The following TAFA1 variants were observed in gnomAD, a reference collection of about 807,000 sequenced individuals.
TAFA1 encodes the protein chemokine-like protein TAFA-1.
TAFA1 carries 4 observed loss-of-function variants against 18.5 expected under a neutral mutation model. The ratio of observed to expected loss-of-function variants is 0.22; its 90% CI spans 0.11 to 0.49. The LOEUF (loss-of-function observed/expected upper bound fraction) is 0.49, where lower values mean the gene tolerates loss of function less well. Among genes scored for constraint, TAFA1 ranks in the 20% least tolerant of loss-of-function variants. The pLI is 0.98. For missense variants in TAFA1, 147 were observed against 169.0 expected, an observed-to-expected ratio of 0.87 and a Z score of 0.72; for synonymous variants, 56 against 55.2, an observed-to-expected ratio of 1.01 and a Z score of -0.06.
intron 2 of TAFA1, among the ~76,000 whole-genome samples, chr3:68,238,484 C>T (rs562766270): frequency 2.6e-5 from 4 of 152,212 alleles, no homozygotes; most frequent in African/African-American, 4.8e-5. Context: ...TGTGCAAAAA[C>T]GAAACTTTAA....
intron 3 of TAFA1, among the ~76,000 whole-genome samples, chr3:68,505,937 A>G (rs1004079736): frequency 6.6e-6 from 1 of 151,184 alleles, no homozygotes; most frequent in Non-Finnish European, 1.5e-5. Context: ...TGTACAGGAC[A>G]TGCAGGTTTG....
At chr3:68,541,702 C>T (rs955023821) in intron 4 of TAFA1, among the ~76,000 whole-genome samples, 2 of 152,072 alleles carry the variant, frequency 1.3e-5, no homozygotes, top group Non-Finnish European at 1.5e-5. Flanking sequence ...TTGTTAATAG[C>T]AACTGAGAGT....
chr3:68,023,570 G>A (rs543854078), intron 2 of TAFA1, among the ~76,000 whole-genome samples: 1 of 152,198 alleles, frequency 6.6e-6, no homozygotes, highest in African/African-American at 2.4e-5. Flanking sequence ...ATACCTTAGT[G>A]GTTAGAAAAT....
At position 68,015,116 on chromosome 3, in the gene TAFA1, G is replaced by A. The variant is rs547503420; in HGVS notation, c.118+8372G>A. Among the ~76,000 whole-genome samples, 10 of 152,236 alleles carry A rather than the reference G, an allele frequency of 6.6e-5. No individual in the cohort carries two copies. The South Asian group carries it at 1.2e-3, about 19-fold the overall frequency. ...GACCTACTTTAAAAATATGCCCATG[G>A]TGTAGTCCTGTACTGAGTTATACCC... On this transcript the variant is annotated intron_variant, in intron 2 of 4. Coordinates refer to ENST00000478136, the MANE Select transcript of TAFA1 (RefSeq NM_213609.4).
intron 2 of TAFA1, among the ~76,000 whole-genome samples, chr3:68,319,349 C>T (rs1184947398): frequency 3.9e-5 from 6 of 152,162 alleles, no homozygotes; most frequent in Admixed American, 1.3e-4. Flanking sequence ...CTTCATCATT[C>T]CCCCACCCCA....
chr3:68,195,144 G>A (rs143005250), intron 2 of TAFA1, among the ~76,000 whole-genome samples: 1,607 of 151,418 alleles, frequency 0.011, 109 homozygotes, highest in Admixed American at 0.093. Flanking sequence ...ATTTGGAAAT[G>A]TTCTTTCAAG....
chr3:68,238,447 C>G (rs1199890982), intron 2 of TAFA1, among the ~76,000 whole-genome samples: 1 of 152,164 alleles, frequency 6.6e-6, no homozygotes, highest in African/African-American at 2.4e-5. Flanking sequence ...CTGGAAGAAG[C>G]AGTTTACAGG....
At chr3:68,534,750 C>T (rs2073247364) in intron 3 of TAFA1, among the ~76,000 whole-genome samples, 1 of 152,026 alleles carries the variant, frequency 6.6e-6, no homozygotes, top group Admixed American at 6.6e-5. Context: ...CTAATGTCTA[C>T]ATTTTCATTT....
At chr3:68,476,900 G>A (rs561062896) in intron 3 of TAFA1, among the ~76,000 whole-genome samples, 1 of 152,064 alleles carries the variant, frequency 6.6e-6, no homozygotes, top group South Asian at 2.1e-4. Flanking sequence ...TTATTATTTT[G>A]ATCAATGTAT....
intron 2 of TAFA1, among the ~76,000 whole-genome samples, chr3:68,291,175 G>A (rs9875918): frequency 0.064 from 9,807 of 152,066 alleles, 490 homozygotes; most frequent in African/African-American, 0.14. Context: ...ATATATAGGT[G>A]TTGAATCGAA....
At chr3:68,173,305 C>T (rs979645876) in intron 2 of TAFA1, among the ~76,000 whole-genome samples, 9 of 147,922 alleles carry the variant, frequency 6.1e-5, no homozygotes, top group African/African-American at 1.6e-4. Flanking sequence ...ATGAAGAGGC[C>T]GCTTAAGAGC....
chr3:68,024,833 A>ACACACACACACAC (rs397978695), intron 2 of TAFA1, among the ~76,000 whole-genome samples: 1 of 151,260 alleles, frequency 6.6e-6, no homozygotes, highest in Non-Finnish European at 1.5e-5. Context: ...ACACACACAC[A>ACACACACACACAC]ATTATACATT....
At chr3:68,302,830 A>T (rs544931827) in intron 2 of TAFA1, among the ~76,000 whole-genome samples, 1 of 152,296 alleles carries the variant, frequency 6.6e-6, no homozygotes, top group Admixed American at 6.5e-5. Context: ...CAGTTTATGC[A>T]TTGATAAAAT....
At chr3:68,313,106 C>A (rs1342341255) in intron 2 of TAFA1, among the ~76,000 whole-genome samples, 1 of 152,126 alleles carries the variant, frequency 6.6e-6, no homozygotes, top group Non-Finnish European at 1.5e-5. Context: ...ATAATCATTT[C>A]CCACATGGTC....
intron 2 of TAFA1, among the ~76,000 whole-genome samples, chr3:68,284,625 G>A (rs1026887152): frequency 4.6e-5 from 7 of 152,028 alleles, no homozygotes; most frequent in Admixed American, 1.3e-4. Context: ...ACAGAAAACT[G>A]CCCAGCAATA....
In TAFA1 at chr3:68,137,885, G is replaced by A. The variant is rs576148249; in HGVS notation, c.118+131141G>A. ...AAGCACGAAAGATGTCCAAATCCAT[G>A]CCTTGCTACTCCACAGTTACCTTTA... On this transcript the variant is annotated intron_variant, in intron 2 of 4. Transcript: ENST00000478136. 1.9e-4 allele frequency among the ~76,000 whole-genome samples: 29 copies of A among 151,964 alleles called. No homozygotes were observed. The South Asian group carries it at 2.3e-3, about 12-fold the overall frequency.
chr3:68,409,963 A>G (rs9822547), intron 2 of TAFA1, among the ~76,000 whole-genome samples: 76,733 of 151,922 alleles, frequency 0.51, 19,941 homozygotes, highest in African/African-American at 0.62. Flanking sequence ...TAAAAGAAAC[A>G]TTATCCTTCG....
At chr3:68,493,708 ATAGCT>A (rs1440044973) in intron 3 of TAFA1, among the ~76,000 whole-genome samples, 1 of 152,246 alleles carries the variant, frequency 6.6e-6, no homozygotes, top group Non-Finnish European at 1.5e-5. Flanking sequence ...TTTTAAACAA[ATAGCT>A]TAGGTGATTT....
chr3:68,132,694 A>G (rs2065556683), intron 2 of TAFA1, among the ~76,000 whole-genome samples: 1 of 152,000 alleles, frequency 6.6e-6, no homozygotes, highest in South Asian at 2.1e-4. Flanking sequence ...GTGTCTGTTC[A>G]TATTCTTTGC....
Sources: gnomAD v4.1 joint callset for allele counts (sites outside exome capture counted in the v4.1 genomes callset) on GRCh38, gnomAD v4.1.1 for gene constraint, MANE v1.5 for transcripts, NCBI Gene and HGNC (gene_info 2026-07-23, HGNC 2026-07-21) for gene names.